The following SNRPB variants were observed in gnomAD, a reference collection of about 807,000 sequenced individuals.
The protein encoded by SNRPB is small nuclear ribonucleoprotein-associated proteins B and B'.
Under a neutral mutation model 26.6 loss-of-function variants are expected in SNRPB, and 5 were observed. That is an observed-to-expected ratio of 0.19 (90% CI 0.10 to 0.39). The LOEUF (loss-of-function observed/expected upper bound fraction) is 0.39. Ranked by LOEUF, SNRPB falls within the 10% of genes least tolerant of loss-of-function variation. The pLI is 1.00. For missense variants in SNRPB, 211 were observed against 311.9 expected (o/e 0.68, Z 2.44); for synonymous variants, 122 against 105.8 (o/e 1.15, Z -0.94).
intron 1 of SNRPB, among the ~76,000 whole-genome samples, chr20:2,469,587 G>A (rs1286697834): frequency 6.6e-6 from 1 of 152,130 alleles, no homozygotes; most frequent in African/African-American, 2.4e-5. Flanking sequence ...CAGCTACTTG[G>A]GAGGCTGAGG....
Position 2,463,607 on chromosome 20 carries a change from G to T in SNRPB, c.420+140C>A. On this transcript the variant is annotated intron_variant, in intron 4 of 6. Coordinates refer to ENST00000381342, the MANE Select transcript of SNRPB (RefSeq NM_003091.4). The surrounding 1 kb of genome is among the most constrained non-coding windows in gnomAD (Gnocchi z 5.0). ...CTTATCCTTTTCACTTGCTTCTAGG[G>T]CCATGTATAAACCACAGTGAAACAC... The T allele has an allele frequency of 1.4e-6, 1 of 689,908 alleles. No homozygotes were observed. The highest frequency in any genetic ancestry group is 2.5e-6 in the Non-Finnish European group (1 of 393,494). The allele number at this position is 689,908 out of a possible 1,614,324, so 42.7% of individuals were successfully genotyped here.
At position 2,461,830 on chromosome 20, in the gene SNRPB, G is replaced by C. The variant is rs552810222; in HGVS notation, c.*99C>G. 1.2e-6 allele frequency: 2 copies of C among 1,613,894 alleles called. No individual in the cohort carries two copies. Among genetic ancestry groups the C allele is most frequent in the Admixed American group, 1.7e-5 (1 of 60,016 alleles). On this transcript the variant is annotated 3_prime_UTR_variant, in exon 7 of 7. Transcript: ENST00000381342. ...ACCAGACAATCCCATGAGACTCCAC[G>C]AACAACAGCATAAGAAACAAACAGG...
chr20:2,466,463 A>T (rs2085074255), intron 2 of SNRPB, among the ~76,000 whole-genome samples: 1 of 152,214 alleles, frequency 6.6e-6, no homozygotes, highest in African/African-American at 2.4e-5. Flanking sequence ...GCAACAGGAT[A>T]GGAAAGTGGG....
chr20:2,467,428 AG>A, intron 2 of SNRPB, 178 bp downstream of exon 2: 2 of 654,118 alleles, frequency 3.1e-6, no homozygotes, highest in Non-Finnish European at 5.4e-6. Context: ...CTAGAGAGCA[AG>A]GTTTGCTGGA....
rs187584433 is a variant in SNRPB, at chr20:2,465,767, C to T, written c.208G>A (p.Val70Met). Residue 70 changes from valine to methionine, a missense_variant, in exon 3 of 7, where the codon GTG (valine) becomes ATG (methionine). By Grantham distance (21) the Val-to-Met change is conservative. Coordinates refer to ENST00000381342, the MANE Select transcript of SNRPB (RefSeq NM_003091.4). ...EREEKRVLGL[V>M]LLRGENLVSM... The stretch of plus-strand genomic sequence containing the variant: ...ACCAGATTCTCCCCTCGCAGCAGCA[C>T]CAGACCGAGGACTCGCTTCTCTTCC... The T allele has an allele frequency of 1.2e-6, 2 of 1,613,612 alleles. No individual in the cohort carries two copies. Among genetic ancestry groups the T allele is most frequent in the Non-Finnish European group, 1.7e-6 (2 of 1,179,952 alleles).
chr20:2,466,736 A>C (rs1421950991), intron 2 of SNRPB, among the ~76,000 whole-genome samples: 1 of 152,182 alleles, frequency 6.6e-6, no homozygotes, highest in Non-Finnish European at 1.5e-5. Context: ...ATATTTTCCA[A>C]TAAACATTTT....
chr20:2,464,006 T>C, intron 3 of SNRPB, 107 bp from the exon 4 acceptor site: 4 of 925,150 alleles, frequency 4.3e-6, no homozygotes, highest in Middle Eastern at 2.2e-4. Flanking sequence ...ATAAATACTA[T>C]CGAAATAGCT....
chr20:2,462,002 C>A lies in SNRPB; in HGVS notation c.686-63G>T, dbSNP rs2085037727. The A allele has an allele frequency of 3.3e-6, 4 of 1,201,480 alleles. No homozygotes were observed. The Admixed American group carries it at 7.1e-5, about 21-fold the overall frequency. 74.4% of individuals were successfully genotyped at this position (1,201,480 alleles called of 1,614,324 possible). A position where few individuals can be genotyped will look rare whatever the true frequency, so the allele number is the denominator to read the frequency against. Reference sequence around the variant, plus strand: ...TGCAACTTGAATCCCCAACCCTGCCCCAGCCTCCCACGCCCTGCAGTAATC... The same window carrying A: ...TGCAACTTGAATCCCCAACCCTGCCACAGCCTCCCACGCCCTGCAGTAATC... On this transcript the variant is annotated intron_variant, in intron 6 of 6. Coordinates refer to ENST00000381342, the MANE Select transcript of SNRPB (RefSeq NM_003091.4).
At chr20:2,467,983 C>A (rs1371844131) in intron 1 of SNRPB, among the ~76,000 whole-genome samples, 1 of 152,172 alleles carries the variant, frequency 6.6e-6, no homozygotes, top group African/African-American at 2.4e-5. Context: ...CCCTTGAAAT[C>A]GGTCTTTCTC....
At position 2,463,764 on chromosome 20, in the gene SNRPB, C is replaced by A; in HGVS notation, c.403G>T (p.Gly135Cys). 1 of 1,589,868 alleles carries A rather than the reference C, an allele frequency of 6.3e-7. No individual in the cohort carries two copies. The highest frequency in any genetic ancestry group is 8.5e-7 in the Non-Finnish European group (1 of 1,171,590). Residue 135 changes from glycine to cysteine, a missense_variant, in exon 4 of 7, where the codon GGC (glycine) becomes TGC (cysteine). Physicochemically the swap from Gly to Cys is radical, Grantham distance 159. Transcript: ENST00000381342. The surrounding 1 kb of genome is among the most constrained non-coding windows in gnomAD (Gnocchi z 5.0). Reference sequence around the variant, plus strand: ...CTCCTCACCTGTTGGGATGGCCCGCCAACCCCACGGACTGGCCCAGCAAGT... The same window carrying A: ...CTCCTCACCTGTTGGGATGGCCCGCAAACCCCACGGACTGGCCCAGCAAGT... ...AGLAGPVRGV[G>C]GPSQQVMTPQ... is the part of the protein sequence containing the mutation.
rs747193234 is a variant in SNRPB at position 2,470,697 on chromosome 20, G to A, written c.-7C>T. 3 of 1,613,418 alleles carry A rather than the reference G, an allele frequency of 1.9e-6. No homozygotes were observed. In the African/African-American group the frequency reaches 4.0e-5, roughly 22 times the overall value. On this transcript the variant is annotated 5_prime_UTR_variant, in exon 1 of 7. Coordinates refer to ENST00000381342, the MANE Select transcript of SNRPB (RefSeq NM_003091.4). ...CCTGTGCCCTCCTTACCATGGTGGC[G>A]GTTCTGATGGCTCTGATACCCGCCG...
rs184891774 is a variant in SNRPB at position 2,468,747 on chromosome 20, G to A, written c.4-989C>T. Among the ~76,000 whole-genome samples, 636 of 152,296 alleles carry A rather than the reference G, an allele frequency of 4.2e-3. 6 individuals are homozygous for A. Among genetic ancestry groups the A allele is most frequent in the African/African-American group, 0.014 (592 of 41,556 alleles). ...TCAAGACCAGCCTGGCTAACATGGC[G>A]AAGCCCCGTCTCTACTAAAATTACA... is the stretch of plus-strand genomic sequence containing the variant. On this transcript the variant is annotated intron_variant, in intron 1 of 6. Coordinates refer to ENST00000381342, the MANE Select transcript of SNRPB (RefSeq NM_003091.4).
At chr20:2,469,768 A>T (rs1054944587) in intron 1 of SNRPB, among the ~76,000 whole-genome samples, 1 of 152,224 alleles carries the variant, frequency 6.6e-6, no homozygotes, top group African/African-American at 2.4e-5. Context: ...TTAACATGCA[A>T]GGCCTTTAGT....
intron 1 of SNRPB, among the ~76,000 whole-genome samples, chr20:2,469,490 G>A (rs998003826): frequency 3.3e-5 from 5 of 152,042 alleles, no homozygotes; most frequent in African/African-American, 7.2e-5. Context: ...TCAGGAGTTC[G>A]AGACCAGTCT....
At chr20:2,464,046 C>T (rs1038247459) in intron 3 of SNRPB, 147 bp from the exon 4 acceptor site, 5 of 696,548 alleles carry the variant, frequency 7.2e-6, no homozygotes, top group Non-Finnish European at 1.2e-5. Context: ...TGTGTGCCAA[C>T]ACCATTCTTC....
chr20:2,470,764 T>G lies in SNRPB; in HGVS notation c.-74A>C. On this transcript the variant is annotated 5_prime_UTR_variant, in exon 1 of 7. Coordinates refer to ENST00000381342, the MANE Select transcript of SNRPB (RefSeq NM_003091.4). The stretch of plus-strand genomic sequence containing the variant: ...GGCCTAGCCTCTCTCCCACAGCCGA[T>G]TTCCCGCCGCCGCTACCGGAAATGC... The G allele has an allele frequency of 1.9e-6, 3 of 1,577,426 alleles. No individual in the cohort carries two copies. Among genetic ancestry groups the G allele is most frequent in the Non-Finnish European group, 2.6e-6 (3 of 1,151,452 alleles).
rs1568462937 is a variant in SNRPB at position 2,463,239 on chromosome 20, T to A, written c.421-12A>T. 2 of 1,605,896 alleles carry A rather than the reference T, an allele frequency of 1.2e-6. No individual in the cohort carries two copies. The highest frequency in any genetic ancestry group is 1.1e-5 in the South Asian group (1 of 90,908). ...TGTGGGGTCATCACCTAAGAGGACA[T>A]AAGAAGAAAGAGTTAGAAGAGTACA... On this transcript the variant is annotated splice_polypyrimidine_tract_variant and intron_variant, in intron 4 of 6. Coordinates refer to ENST00000381342, the MANE Select transcript of SNRPB (RefSeq NM_003091.4). This position sits in a 1 kb window ranked among gnomAD's most constrained non-coding sequence, Gnocchi z 5.0.
chr20:2,466,630 T>C (rs1187438642), intron 2 of SNRPB, among the ~76,000 whole-genome samples: 1 of 152,222 alleles, frequency 6.6e-6, no homozygotes, highest in Non-Finnish European at 1.5e-5. Context: ...TTTCTTATTT[T>C]TTAAAATAAT....
At position 2,463,369 on chromosome 20, in the gene SNRPB, T is replaced by A. The variant is rs1293619314; in HGVS notation, c.421-142A>T. ...ACAACTCTCAGCACCAGACTTCCCA[T>A]CCAAAACCACATGTCGGGAAAGATC... On this transcript the variant is annotated intron_variant, in intron 4 of 6. Coordinates refer to ENST00000381342, the MANE Select transcript of SNRPB (RefSeq NM_003091.4). This position sits in a 1 kb window ranked among gnomAD's most constrained non-coding sequence, Gnocchi z 5.0. 1 of 682,164 alleles carries A rather than the reference T, an allele frequency of 1.5e-6. No individual in the cohort carries two copies. Among genetic ancestry groups the A allele is most frequent in the Non-Finnish European group, 2.6e-6 (1 of 383,238 alleles). 42.3% of individuals were successfully genotyped at this position (682,164 alleles called of 1,614,324 possible). A position where few individuals can be genotyped will look rare whatever the true frequency, so the allele number is the denominator to read the frequency against.
Sources: allele counts gnomAD v4.1 joint callset (sites outside exome capture counted in the v4.1 genomes callset), GRCh38; gene constraint gnomAD v4.1.1; non-coding constraint Gnocchi (gnomAD v3.1); transcripts MANE v1.5; gene names NCBI Gene and HGNC (gene_info 2026-07-23, HGNC 2026-07-21).